Variants in HAUS6 observed in about 807,000 individuals in gnomAD.
The protein encoded by HAUS6 is HAUS augmin-like complex subunit 6.
Under a neutral mutation model 106.8 loss-of-function variants are expected in HAUS6, and 80 were observed. The ratio of observed to expected loss-of-function variants is 0.75; its 90% CI spans 0.63 to 0.90. The LOEUF (loss-of-function observed/expected upper bound fraction) is 0.90. Ranked by LOEUF, HAUS6 falls within the 40% of genes least tolerant of loss-of-function variation. The pLI, the probability that HAUS6 is intolerant of heterozygous loss-of-function variation, is 0.00. For missense variants in HAUS6, 1,155 were observed against 1,118.1 expected (o/e 1.03, Z -0.47); for synonymous variants, 356 against 379.1 (o/e 0.94, Z 0.71).
At chr9:19,072,423 G>A (rs1836899363) in intron 11 of HAUS6, among the ~76,000 whole-genome samples, 1 of 151,788 alleles carries the variant, frequency 6.6e-6, no homozygotes, top group South Asian at 2.1e-4. Context: ...TTAGGCAGAA[G>A]AATTGCTTGA....
chr9:19,056,597 C>CA, intron 16 of HAUS6, 193 bp from the exon 17 acceptor site: 1 of 415,922 alleles, frequency 2.4e-6, no homozygotes, highest in Non-Finnish European at 4.3e-6. Context: ...TCCCAGAGTA[C>CA]TTTTTTTTTT....
chr9:19,077,175 T>G (rs1307665864), intron 10 of HAUS6, among the ~76,000 whole-genome samples: 1 of 152,170 alleles, frequency 6.6e-6, no homozygotes, highest in Admixed American at 6.6e-5. Flanking sequence ...AGTACAACAT[T>G]AGGAGCAAGG....
Position 19,054,542 on chromosome 9 carries a change from A to G in HAUS6, c.*1801T>C, listed in dbSNP as rs1387463125. 1 of 152,256 alleles carries G rather than the reference A, an allele frequency of 6.6e-6. No individual in the cohort carries two copies. Among genetic ancestry groups the G allele is most frequent in the East Asian group, 1.9e-4 (1 of 5,200 alleles). 9.4% of individuals were successfully genotyped at this position (152,256 alleles called of 1,614,324 possible). On this transcript the variant is annotated 3_prime_UTR_variant, in exon 17 of 17. Transcript: ENST00000380502. ...TTCAGCCCATCACAGGTATAACTCA[A>G]CAATGTGATTTTTACAAATCCAAAA...
chr9:19,095,420 C>G (rs1817841180), intron 2 of HAUS6, among the ~76,000 whole-genome samples: 1 of 151,306 alleles, frequency 6.6e-6, no homozygotes, highest in South Asian at 2.1e-4. Context: ...AGTGATACTC[C>G]ATGGTTGACG....
intron 3 of HAUS6, among the ~76,000 whole-genome samples, chr9:19,093,647 T>C (rs1231093060): frequency 2.6e-5 from 4 of 152,160 alleles, no homozygotes; most frequent in African/African-American, 9.7e-5. Flanking sequence ...GGCAGACGGA[T>C]CACTGGAGGT....
At chr9:19,090,407 C>T (rs1299584767) in intron 4 of HAUS6, among the ~76,000 whole-genome samples, 2 of 152,198 alleles carry the variant, frequency 1.3e-5, no homozygotes, top group East Asian at 1.9e-4. Flanking sequence ...CTCAGTCACC[C>T]AGGCTGAAAT....
At position 19,089,500 on chromosome 9, in the gene HAUS6, TG is replaced by T; in HGVS notation, c.495del (p.Cys165Ter). 6.2e-7 allele frequency: 1 copy of T among 1,610,448 alleles called. No homozygotes were observed. The highest frequency in any genetic ancestry group is 8.5e-7 in the Non-Finnish European group (1 of 1,176,656). On this transcript the variant is annotated frameshift_variant, in exon 5 of 17. Coordinates refer to ENST00000380502, the MANE Select transcript of HAUS6 (RefSeq NM_017645.5). LOFTEE classifies it high-confidence loss of function. ...CTACGTGCGAAATGGCATCTGGCAA[TG>T]CATTTGTGCAAGTCCTGTGGTTTTA... is the stretch of plus-strand genomic sequence containing the variant. Reference protein sequence around the residue: ...FNIKPQDLHKCIARCHFARSR... With the variant: ...FNIKPQDLHKXIARCHFARSR...
At chr9:19,067,649 G>A (rs1836790470) in intron 12 of HAUS6, among the ~76,000 whole-genome samples, 1 of 152,184 alleles carries the variant, frequency 6.6e-6, no homozygotes, top group Middle Eastern at 3.4e-3. Flanking sequence ...GGCTCTTACA[G>A]AATTCTGATA....
intron 16 of HAUS6, 42 bp downstream of exon 16, chr9:19,057,919 A>G (rs1836509053): frequency 8.3e-7 from 1 of 1,205,694 alleles, no homozygotes; most frequent in Non-Finnish European, 1.2e-6. Context: ...GTTGAGAGAA[A>G]ACTTCAACAG....
chr9:19,089,309 G>A (rs10963953), intron 5 of HAUS6, 103 bp downstream of exon 5: 59,859 of 714,406 alleles, frequency 0.084, 2,658 homozygotes, highest in East Asian at 0.092. Context: ...AAAGATAACC[G>A]CCAAGGTTTT....
intron 14 of HAUS6, 82 bp downstream of exon 14, chr9:19,062,926 C>T: frequency 9.4e-7 from 1 of 1,061,658 alleles, no homozygotes. Context: ...GAAACCTCCC[C>T]AAGTGTTGGG....
intron 9 of HAUS6, 51 bp downstream of exon 9, chr9:19,080,428 G>A: frequency 7.9e-7 from 1 of 1,270,544 alleles, no homozygotes. Flanking sequence ...GTTTTGTTGA[G>A]AAAACCACCC....
At chr9:19,084,635 C>CTT (rs113235811) in intron 7 of HAUS6, among the ~76,000 whole-genome samples, 5 of 138,834 alleles carry the variant, frequency 3.6e-5, no homozygotes, top group Admixed American at 7.2e-5. Context: ...TTTCTTTTTT[C>CTT]TTTTTTTTTT....
rs182073379 is a variant in HAUS6, at chr9:19,098,259, G to A, written c.129-1490C>T. 2.7e-3 allele frequency among the ~76,000 whole-genome samples: 415 copies of A among 152,164 alleles called. 6 individuals are homozygous for A. The South Asian group carries it at 0.032, about 12-fold the overall frequency. ...TTGAGACCATCCTGGCCAACATGGCGAATCGCCATCTCCACTAAAAATACA... is the reference window on the plus strand; with the variant it reads ...TTGAGACCATCCTGGCCAACATGGCAAATCGCCATCTCCACTAAAAATACA... On this transcript the variant is annotated intron_variant, in intron 1 of 16. Coordinates refer to ENST00000380502, the MANE Select transcript of HAUS6 (RefSeq NM_017645.5).
rs1387524782 is a variant in HAUS6 at position 19,054,673 on chromosome 9, G to A, written c.*1670C>T. On this transcript the variant is annotated 3_prime_UTR_variant, in exon 17 of 17. Coordinates refer to ENST00000380502, the MANE Select transcript of HAUS6 (RefSeq NM_017645.5). ...CAGATAGTTACCAATCTCTACCCAAGTATATATGCAACAACGTACCTGCTT... is the reference window on the plus strand; with the variant it reads ...CAGATAGTTACCAATCTCTACCCAAATATATATGCAACAACGTACCTGCTT... The A allele has an allele frequency of 6.6e-6, 1 of 152,210 alleles. No homozygotes were observed. The highest frequency in any genetic ancestry group is 1.5e-5 in the Non-Finnish European group (1 of 68,038). The allele number at this position is 152,210 out of a possible 1,614,324, so 9.4% of individuals were successfully genotyped here.
chr9:19,087,291 ACT>A (rs1837321181), intron 5 of HAUS6, 135 bp from the exon 6 acceptor site: 1 of 634,932 alleles, frequency 1.6e-6, no homozygotes, highest in Non-Finnish European at 2.8e-6. Flanking sequence ...AGGACTCTAG[ACT>A]CTCTTTATCA....
chr9:19,061,103 G>A (rs940391687), intron 14 of HAUS6, among the ~76,000 whole-genome samples: 1 of 152,246 alleles, frequency 6.6e-6, no homozygotes, highest in African/African-American at 2.4e-5. Flanking sequence ...GGCGGAGGCT[G>A]CGGTGAGCCA....
chr9:19,063,665 C>T (rs957329031), intron 12 of HAUS6, 85 bp from the exon 13 acceptor site: 5 of 921,798 alleles, frequency 5.4e-6, no homozygotes, highest in Non-Finnish European at 9.1e-6. Flanking sequence ...AATCTGTCTG[C>T]CCCGTATCTG....
intron 1 of HAUS6, among the ~76,000 whole-genome samples, chr9:19,097,667 G>C (rs1817892858): frequency 6.6e-6 from 1 of 151,784 alleles, no homozygotes; most frequent in Non-Finnish European, 1.5e-5. Flanking sequence ...AGAGTCCAGG[G>C]TCTTCACTAC....
Sources: allele counts gnomAD v4.1 joint callset (sites outside exome capture counted in the v4.1 genomes callset), GRCh38; gene constraint gnomAD v4.1.1; transcripts MANE v1.5; gene names NCBI Gene and HGNC (gene_info 2026-07-23, HGNC 2026-07-21).